The following LMBR1L variants were observed in gnomAD, a reference collection of about 807,000 sequenced individuals.
The protein encoded by LMBR1L is protein LMBR1L.
LMBR1L carries 47 observed loss-of-function variants against 67.3 expected under a neutral mutation model. The observed-to-expected ratio is 0.70, with a 90% CI of 0.55 to 0.89. The LOEUF (loss-of-function observed/expected upper bound fraction) is 0.89, where lower values mean the gene tolerates loss of function less well. LMBR1L is among the 40% of genes least tolerant of loss of function. The pLI, the probability that LMBR1L is intolerant of heterozygous loss-of-function variation, is 0.00. For missense variants in LMBR1L, 533 were observed against 599.2 expected (o/e 0.89, Z 1.15); for synonymous variants, 247 against 250.3 (o/e 0.99, Z 0.13).
chr12:49,107,809 T>C (rs1292173903), intron 1 of LMBR1L, among the ~76,000 whole-genome samples: 2 of 152,198 alleles, frequency 1.3e-5, no homozygotes, highest in Non-Finnish European at 2.9e-5. Flanking sequence ...GAGGAGCCAT[T>C]GGCCAGCTTG....
chr12:49,104,879 C>T lies in LMBR1L; in HGVS notation c.198G>A (p.Glu66=), dbSNP rs1433026858. Residue 66 remains glutamate, a synonymous_variant, in exon 4 of 17, where the codon GAG becomes GAA. Transcript: ENST00000267102. The stretch of plus-strand genomic sequence containing the variant: ...CAATTGCCAGGGTAAAGGTGCACAG[C>T]TCGAGCCTGGGCAGAGAAGGGGACA... ...EDATVNKIAL[E]LCTFTLAIAL... is the part of the protein sequence containing the mutation. The T allele has an allele frequency of 6.2e-7, 1 of 1,611,224 alleles. No individual in the cohort carries two copies. Among genetic ancestry groups the T allele is most frequent in the East Asian group, 2.2e-5 (1 of 44,812 alleles).
At chr12:49,100,028 C>G (rs1288550257) in intron 15 of LMBR1L, among the ~76,000 whole-genome samples, 1 of 152,214 alleles carries the variant, frequency 6.6e-6, no homozygotes, top group Non-Finnish European at 1.5e-5. Flanking sequence ...GACCTTGCCT[C>G]AAGCCAGCTG....
chr12:49,110,338 C>G (rs962167258), intron 1 of LMBR1L, 146 bp downstream of exon 1: 2 of 738,286 alleles, frequency 2.7e-6, no homozygotes, highest in South Asian at 3.1e-5. Flanking sequence ...TAGCCGGGCA[C>G]CCGCCCTTCT....
At chr12:49,107,644 C>G (rs541291437) in intron 1 of LMBR1L, among the ~76,000 whole-genome samples, 36 of 152,324 alleles carry the variant, frequency 2.4e-4, no homozygotes, top group South Asian at 8.3e-4. Context: ...CTCATTTAAT[C>G]CTCTACCCCT....
chr12:49,103,876 G>A, intron 5 of LMBR1L, 63 bp from the exon 6 acceptor site: 2 of 1,517,996 alleles, frequency 1.3e-6, no homozygotes, highest in South Asian at 2.5e-5. Flanking sequence ...CATTGGAGAT[G>A]GCAGGCAGCC....
rs752320914 is a variant in LMBR1L, at chr12:49,102,887, C to A, written c.696G>T (p.Arg232=). The change falls in exon 8 of 17, where the codon CGG becomes CGT. Residue 232 remains arginine, a splice_region_variant and synonymous_variant. Transcript: ENST00000267102. Reference sequence around the variant, plus strand: ...TCAAAGAGCAAGGAATACCACATACCCGGGGCTTGACTAGCAGCTTCCCAG... The same window carrying A: ...TCAAAGAGCAAGGAATACCACATACACGGGGCTTGACTAGCAGCTTCCCAG... ...SVTGKLLVKP[R]LLEDLEEQLY... 1 of 1,613,990 alleles carries A rather than the reference C, an allele frequency of 6.2e-7. No individual in the cohort carries two copies. The highest frequency in any genetic ancestry group is 1.7e-5 in the Admixed American group (1 of 60,012).
intron 1 of LMBR1L, among the ~76,000 whole-genome samples, chr12:49,109,211 G>A (rs1941264792): frequency 6.6e-6 from 1 of 152,144 alleles, no homozygotes; most frequent in South Asian, 2.1e-4. Context: ...AAGGATTAGG[G>A]AGACATCCAG....
At chr12:49,101,951 G>A in intron 11 of LMBR1L, 169 bp downstream of exon 11, 1 of 617,244 alleles carries the variant, frequency 1.6e-6, no homozygotes, top group Non-Finnish European at 2.9e-6. Flanking sequence ...AATGGGGATT[G>A]ATGTGCTCAA....
intron 16 of LMBR1L, 82 bp downstream of exon 16, chr12:49,097,862 T>TC: frequency 6.3e-7 from 1 of 1,588,506 alleles, no homozygotes. Context: ...GCACACCCTC[T>TC]CCCCTGCTGG....
chr12:49,097,683 G>A lies in LMBR1L; in HGVS notation c.1459C>T (p.Gln487Ter), dbSNP rs749722407. Residue 487 changes from glutamine (Q) to a stop codon, truncating the protein, a stop_gained, in exon 17 of 17, where the codon CAG (glutamine) becomes TAG (stop). Transcript: ENST00000267102. LOFTEE classifies it high-confidence loss of function. ...CCCCCAGCTGGAGGTCACTGGTGCT[G>A]GGTCTTCCTAGATGCCTGGGGGAAA... ...SGFPQASRKT[Q>*]HQ The A allele has an allele frequency of 4.3e-6, 7 of 1,613,514 alleles. No individual in the cohort carries two copies. The highest frequency in any genetic ancestry group is 5.9e-6 in the Non-Finnish European group (7 of 1,180,014).
Position 49,110,519 on chromosome 12 carries a change from CTCG to C in LMBR1L, c.34_36del (p.Arg12del). 6.2e-7 allele frequency: 1 copy of C among 1,614,112 alleles called. No homozygotes were observed. The highest frequency in any genetic ancestry group is 8.5e-7 in the Non-Finnish European group (1 of 1,179,988). On this transcript the variant is annotated inframe_deletion, in exon 1 of 17. Transcript: ENST00000267102. ...CGGATCCTCTCGTGGAATAGCTGTT[CTCG>C]CACGGATAGCACTTCGTAGTCAGGT...
chr12:49,103,819 G>A lies in LMBR1L; in HGVS notation c.436-6C>T, dbSNP rs1940538741. 5.6e-6 allele frequency: 9 copies of A among 1,606,362 alleles called. No homozygotes were observed. The East Asian group carries it at 2.0e-4, about 36-fold the overall frequency. ...TAGACCCGGCCCAGGACACCCTACG[G>A]GAGGAGGCAACCAGTGAAGAAGGTT... is the stretch of plus-strand genomic sequence containing the variant. On this transcript the variant is annotated splice_polypyrimidine_tract_variant and splice_region_variant and intron_variant, in intron 5 of 16. Coordinates refer to ENST00000267102, the MANE Select transcript of LMBR1L (RefSeq NM_018113.4).
At chr12:49,099,438 C>T (rs1939833487) in intron 15 of LMBR1L, among the ~76,000 whole-genome samples, 1 of 152,124 alleles carries the variant, frequency 6.6e-6, no homozygotes, top group Non-Finnish European at 1.5e-5. Flanking sequence ...CGTGAGCCAC[C>T]AGGCCTGGCC....
Position 49,100,709 on chromosome 12 carries a change from C to T in LMBR1L, c.1083-63G>A. On this transcript the variant is annotated intron_variant, in intron 13 of 16. Transcript: ENST00000267102. ...AATTAATAACTCATCTCAAAGGGAACAGAGCTCTCTCCCAGCCCACTTCTT... is the reference window on the plus strand; with the variant it reads ...AATTAATAACTCATCTCAAAGGGAATAGAGCTCTCTCCCAGCCCACTTCTT... 6 of 1,212,990 alleles carry T rather than the reference C, an allele frequency of 4.9e-6. No homozygotes were observed. The South Asian group carries it at 6.6e-5, about 13-fold the overall frequency. 75.1% of individuals were successfully genotyped at this position (1,212,990 alleles called of 1,614,324 possible).
chr12:49,100,711 G>C (rs1315813810), intron 13 of LMBR1L, 65 bp from the exon 14 acceptor site: 2 of 1,204,066 alleles, frequency 1.7e-6, no homozygotes, highest in Non-Finnish European at 2.4e-6. Flanking sequence ...AAAGGGAACA[G>C]AGCTCTCTCC....
Position 49,101,510 on chromosome 12 carries a change from GC to G in LMBR1L, c.969del (p.Glu323AspfsTer18). The G allele has an allele frequency of 6.2e-7, 1 of 1,614,018 alleles. No homozygotes were observed. Among genetic ancestry groups the G allele is most frequent in the East Asian group, 2.2e-5 (1 of 44,880 alleles). On this transcript the variant is annotated frameshift_variant, in exon 12 of 17. Transcript: ENST00000267102. LOFTEE classifies it high-confidence loss of function. ...GGCATGGCAGCCTCATCGATGAGCA[GC>G]TCCAGGATGTGGATGGCCACAATGA... ...SVLIVAIHIL[E>X]LLIDEAAMPR...
Position 49,100,662 on chromosome 12 carries a change from G to A in LMBR1L, c.1083-16C>T, listed in dbSNP as rs1940042784. ...CATTAGGTAACTGCCACTGCATTAA[G>A]GAAGAACTGGCTGGCTCCAAGAATT... On this transcript the variant is annotated splice_polypyrimidine_tract_variant and intron_variant, in intron 13 of 16. Transcript: ENST00000267102. 1 of 1,580,134 alleles carries A rather than the reference G, an allele frequency of 6.3e-7. No individual in the cohort carries two copies. The highest frequency in any genetic ancestry group is 2.2e-5 in the East Asian group (1 of 44,648).
chr12:49,105,164 G>A (rs1222288226), intron 3 of LMBR1L: 1 of 440,548 alleles, frequency 2.3e-6, no homozygotes, highest in Non-Finnish European at 4.2e-6. Flanking sequence ...CCCCAGGAAT[G>A]TGGTCCTCCC....
chr12:49,099,811 C>A (rs1939897079), intron 15 of LMBR1L, among the ~76,000 whole-genome samples: 1 of 152,178 alleles, frequency 6.6e-6, no homozygotes, highest in Non-Finnish European at 1.5e-5. Flanking sequence ...GAAATCCTGA[C>A]CTCAGGTGAT....
Sources: allele counts gnomAD v4.1 joint callset (sites outside exome capture counted in the v4.1 genomes callset), GRCh38; gene constraint gnomAD v4.1.1; transcripts MANE v1.5; gene names NCBI Gene and HGNC (gene_info 2026-07-23, HGNC 2026-07-21).